DYM: variants seen among roughly 807,000 people sequenced by gnomAD.
DYM encodes dyggve-Melchior-Clausen syndrome protein.
DYM carries 78 observed loss-of-function variants against 93.1 expected under a neutral mutation model. That is an observed-to-expected ratio of 0.84 (90% CI 0.70 to 1.01). The LOEUF (loss-of-function observed/expected upper bound fraction) is 1.01. Ranked by LOEUF, DYM falls within the 50% of genes least tolerant of loss-of-function variation. The pLI, the probability that DYM is intolerant of heterozygous loss-of-function variation, is 0.00. For missense variants in DYM, 789 were observed against 845.0 expected (o/e 0.93, Z 0.82); for synonymous variants, 321 against 319.7 (o/e 1.00, Z -0.04).
At chr18:49,327,632 C>T (rs901995523) in intron 8 of DYM, among the ~76,000 whole-genome samples, 8 of 152,168 alleles carry the variant, frequency 5.3e-5, no homozygotes, top group South Asian at 2.1e-4. Flanking sequence ...ACTGGGATTA[C>T]GGACATGAGC....
intron 17 of DYM, among the ~76,000 whole-genome samples, chr18:49,072,898 C>T (rs2077002608): frequency 6.6e-6 from 1 of 152,196 alleles, no homozygotes; most frequent in South Asian, 2.1e-4. Flanking sequence ...TTAGACTAGG[C>T]TCTTAAACCT....
chr18:49,053,914 A>C (rs1002332212), intron 17 of DYM, among the ~76,000 whole-genome samples: 1 of 152,188 alleles, frequency 6.6e-6, no homozygotes, highest in African/African-American at 2.4e-5. Context: ...AGCGGGAGGA[A>C]ACAAGAACAA....
Position 49,043,760 on chromosome 18 carries a change from T to C in DYM, c.*295A>G, listed in dbSNP as rs1369523781. 7.3e-6 allele frequency: 3 copies of C among 411,190 alleles called. No individual in the cohort carries two copies. Among genetic ancestry groups the C allele is most frequent in the East Asian group, 1.1e-4 (2 of 18,956 alleles). The allele number at this position is 411,190 out of a possible 1,614,324, so 25.5% of individuals were successfully genotyped here. A position where few individuals can be genotyped will look rare whatever the true frequency, so the allele number is the denominator to read the frequency against. On this transcript the variant is annotated 3_prime_UTR_variant, in exon 18 of 18. Transcript: ENST00000675505. The stretch of plus-strand genomic sequence containing the variant: ...TGATGTGCCTAAGGCAACAGGATCT[T>C]GGGAAAGCTCTAGATTTTTGGCTTC...
At chr18:49,134,331 G>A (rs771319297) in intron 15 of DYM, among the ~76,000 whole-genome samples, 7 of 152,118 alleles carry the variant, frequency 4.6e-5, no homozygotes, top group Non-Finnish European at 1.0e-4. Context: ...GGTTTATAAG[G>A]AGATTACGTT....
intron 13 of DYM, among the ~76,000 whole-genome samples, chr18:49,214,057 G>A (rs893058238): frequency 6.6e-6 from 1 of 152,168 alleles, no homozygotes; most frequent in African/African-American, 2.4e-5. Context: ...GCCAACAAAA[G>A]ACACGGATTC....
chr18:49,340,937 A>G (rs1227911360), intron 6 of DYM, among the ~76,000 whole-genome samples: 1 of 152,242 alleles, frequency 6.6e-6, no homozygotes. Flanking sequence ...TGATGCCATT[A>G]ACTAAATCAA....
intron 17 of DYM, among the ~76,000 whole-genome samples, chr18:49,096,720 T>C (rs1330365159): frequency 1.3e-5 from 2 of 152,216 alleles, no homozygotes; most frequent in African/African-American, 4.8e-5. Context: ...GGAATACATC[T>C]ATCAAACAGA....
intron 13 of DYM, among the ~76,000 whole-genome samples, chr18:49,225,488 A>C (rs780619293): frequency 6.6e-6 from 1 of 152,100 alleles, no homozygotes; most frequent in Non-Finnish European, 1.5e-5. Flanking sequence ...ACTAGCTCAA[A>C]GGGGATGAAA....
chr18:49,198,461 A>T (rs1312141875), intron 14 of DYM, among the ~76,000 whole-genome samples: 1 of 152,234 alleles, frequency 6.6e-6, no homozygotes, highest in African/African-American at 2.4e-5. Flanking sequence ...AGAATGGGAG[A>T]AAATTTTTGC....
At chr18:49,169,644 T>C (rs2088394199) in intron 14 of DYM, among the ~76,000 whole-genome samples, 1 of 152,194 alleles carries the variant, frequency 6.6e-6, no homozygotes, top group Non-Finnish European at 1.5e-5. Flanking sequence ...TTACTCCTTG[T>C]GCCTCTATGT....
chr18:49,315,081 G>A (rs966423612), intron 8 of DYM, among the ~76,000 whole-genome samples: 1 of 151,958 alleles, frequency 6.6e-6, no homozygotes, highest in Non-Finnish European at 1.5e-5. Flanking sequence ...TGGGTATAGT[G>A]GCATATGCCT....
At chr18:49,155,778 G>A (rs184377717) in intron 15 of DYM, among the ~76,000 whole-genome samples, 2 of 152,280 alleles carry the variant, frequency 1.3e-5, no homozygotes, top group African/African-American at 2.4e-5. Flanking sequence ...TATCTCACAT[G>A]GTATGGATAC....
chr18:49,358,967 A>C (rs1241119530), intron 6 of DYM, among the ~76,000 whole-genome samples: 2 of 152,218 alleles, frequency 1.3e-5, no homozygotes, highest in Non-Finnish European at 2.9e-5. Flanking sequence ...ATACGGCATC[A>C]CTGCTTCTGC....
chr18:49,396,363 C>T (rs1477418720), intron 2 of DYM, among the ~76,000 whole-genome samples: 1 of 152,138 alleles, frequency 6.6e-6, no homozygotes. Context: ...GCATCCCTTA[C>T]CCAAAATGCT....
At chr18:49,413,438 T>C (rs2072525351) in intron 2 of DYM, among the ~76,000 whole-genome samples, 1 of 151,876 alleles carries the variant, frequency 6.6e-6, no homozygotes, top group Non-Finnish European at 1.5e-5. Context: ...AGCGAATCCT[T>C]TTAGCAGAAT....
Position 49,410,319 on chromosome 18 carries a change from C to T in DYM, c.141-18674G>A, listed in dbSNP as rs544593994. On this transcript the variant is annotated intron_variant, in intron 2 of 17. Transcript: ENST00000675505. Reference sequence around the variant, plus strand: ...CAAACAATCCTCCTGCCTTGACCCCCAAAGTACTGGGATTACAGGCATAAG... The same window carrying T: ...CAAACAATCCTCCTGCCTTGACCCCTAAAGTACTGGGATTACAGGCATAAG... 2.6e-5 allele frequency among the ~76,000 whole-genome samples: 4 copies of T among 152,168 alleles called. No homozygotes were observed. The South Asian group carries it at 8.3e-4, about 32-fold the overall frequency.
At chr18:49,331,217 T>C (rs953741438) in intron 8 of DYM, among the ~76,000 whole-genome samples, 5 of 152,206 alleles carry the variant, frequency 3.3e-5, no homozygotes, top group Non-Finnish European at 7.3e-5. Flanking sequence ...GGAAGTTTCA[T>C]TTATATAACT....
At chr18:49,380,118 C>T (rs1345484990) in intron 3 of DYM, among the ~76,000 whole-genome samples, 1 of 151,922 alleles carries the variant, frequency 6.6e-6, no homozygotes, top group Non-Finnish European at 1.5e-5. Flanking sequence ...ATCTATGTCT[C>T]CAGTATATAG....
At chr18:49,429,778 G>C (rs1187139110) in intron 2 of DYM, among the ~76,000 whole-genome samples, 6 of 152,088 alleles carry the variant, frequency 3.9e-5, no homozygotes, top group African/African-American at 1.4e-4. Flanking sequence ...ACAAAGACTG[G>C]AAACAATCTA....
Sources: allele counts gnomAD v4.1 joint callset (sites outside exome capture counted in the v4.1 genomes callset), GRCh38; gene constraint gnomAD v4.1.1; transcripts MANE v1.5; gene names NCBI Gene and HGNC (gene_info 2026-07-23, HGNC 2026-07-21).